The following C1QTNF7 variants were observed in gnomAD, a reference collection of about 807,000 sequenced individuals.
C1QTNF7 encodes the protein complement C1q tumor necrosis factor-related protein 7.
Under a neutral mutation model 19.6 loss-of-function variants are expected in C1QTNF7, and 15 were observed. The observed-to-expected ratio is 0.76, with a 90% confidence interval of 0.51 to 1.18. The LOEUF (loss-of-function observed/expected upper bound fraction) is 1.18, where lower values mean the gene tolerates loss of function less well. C1QTNF7 is among the 50% of genes most tolerant of loss of function. The probability of loss-of-function intolerance (pLI) is 0.00; values close to 1 mark genes in which losing one functional copy is unlikely to be tolerated. For missense variants in C1QTNF7, 324 were observed against 359.7 expected (o/e 0.90, Z 0.80); for synonymous variants, 142 against 137.5 (o/e 1.03, Z -0.23).
intron 1 of C1QTNF7, among the ~76,000 whole-genome samples, chr4:15,393,183 A>G (rs571495951): frequency 5.6e-4 from 86 of 152,302 alleles, no homozygotes; most frequent in East Asian, 9.7e-4. Flanking sequence ...CATGTAAGAC[A>G]TGCCTTTTGC....
At chr4:15,405,928 T>A (rs888429003) in intron 1 of C1QTNF7, among the ~76,000 whole-genome samples, 4 of 152,142 alleles carry the variant, frequency 2.6e-5, no homozygotes, top group Non-Finnish European at 5.9e-5. Context: ...CAGCTGTTAG[T>A]CTCTGTAGGA....
chr4:15,408,135 T>C (rs565936489), intron 1 of C1QTNF7, among the ~76,000 whole-genome samples: 16 of 151,792 alleles, frequency 1.1e-4, no homozygotes, highest in African/African-American at 3.9e-4. Context: ...TAGCCAAGCA[T>C]GGTGGCGCAC....
At chr4:15,339,869 T>C, upstream of C1QTNF7, 1 of 453,398 alleles carries the variant, frequency 2.2e-6, no homozygotes, top group Non-Finnish European at 4.0e-6. Flanking sequence ...TATATTAAGC[T>C]CTTTGAAATG....
rs1231633517 is a variant in C1QTNF7 at position 15,342,443 on chromosome 4, T to C, written c.13+2236T>C. On this transcript the variant is annotated intron_variant, in intron 1 of 2. Transcript: ENST00000295297. ...AGTGTCCACTCTGTGCCAGATACTT[T>C]ATCAACGCTCTTTGAACGTGTCCTT... 2.6e-5 allele frequency among the ~76,000 whole-genome samples: 4 copies of C among 152,238 alleles called. No homozygotes were observed. The East Asian group carries it at 7.7e-4, about 29-fold the overall frequency.
At position 15,445,483 on chromosome 4, in the gene C1QTNF7, C is replaced by G. The variant is rs1412567341; in HGVS notation, c.*2684C>G. ...TTAAATGTTTCTTTTATTACAAAGCCTATTTTGAGTAGCTTTTAAAACTGA... is the reference window on the plus strand; with the variant it reads ...TTAAATGTTTCTTTTATTACAAAGCGTATTTTGAGTAGCTTTTAAAACTGA... On this transcript the variant is annotated 3_prime_UTR_variant, in exon 3 of 3. Transcript: ENST00000444304. 1 of 152,146 alleles carries G rather than the reference C, an allele frequency of 6.6e-6. No individual in the cohort carries two copies. Among genetic ancestry groups the G allele is most frequent in the Non-Finnish European group, 1.5e-5 (1 of 68,028 alleles). 9.4% of individuals were successfully genotyped at this position (152,146 alleles called of 1,614,324 possible).
At chr4:15,427,367 T>C (rs1157020494), upstream of C1QTNF7, among the ~76,000 whole-genome samples, 2 of 152,208 alleles carry the variant, frequency 1.3e-5, no homozygotes, top group South Asian at 2.1e-4. Context: ...GATTGCACCA[T>C]AGACGACTAG....
chr4:15,417,801 C>A (rs1719656045), intron 1 of C1QTNF7, among the ~76,000 whole-genome samples: 1 of 152,176 alleles, frequency 6.6e-6, no homozygotes, highest in South Asian at 2.1e-4. Flanking sequence ...ATGGTGCTGG[C>A]ATCTGCTTCT....
chr4:15,421,614 C>T lies in C1QTNF7; in HGVS notation c.14-14122C>T, dbSNP rs565299688. ...TACTATCACTCTCCTCATCCTAAACCGAGAGCTTGGTTTGAAGGTCAGACA... is the reference window on the plus strand; with the variant it reads ...TACTATCACTCTCCTCATCCTAAACTGAGAGCTTGGTTTGAAGGTCAGACA... On this transcript the variant is annotated intron_variant, in intron 1 of 2. Coordinates refer to the C1QTNF7 transcript ENST00000295297. Among the ~76,000 whole-genome samples the T allele has an allele frequency of 5.3e-5, 8 of 152,248 alleles. No homozygotes were observed. In the South Asian group the frequency reaches 1.2e-3, roughly 24 times the overall value.
chr4:15,390,230 G>T (rs1043562746), intron 1 of C1QTNF7, among the ~76,000 whole-genome samples: 2 of 152,204 alleles, frequency 1.3e-5, no homozygotes, highest in Admixed American at 1.3e-4. Context: ...ACTAAGGAAG[G>T]AGCTGATGCT....
chr4:15,348,155 C>T (rs1156946504), intron 1 of C1QTNF7, among the ~76,000 whole-genome samples: 4 of 152,046 alleles, frequency 2.6e-5, no homozygotes, highest in South Asian at 2.1e-4. Context: ...ATTTCCTCTC[C>T]CTGGACAAAT....
intron 1 of C1QTNF7, among the ~76,000 whole-genome samples, chr4:15,353,875 T>G (rs1441945390): frequency 6.6e-6 from 1 of 152,134 alleles, no homozygotes; most frequent in African/African-American, 2.4e-5. Flanking sequence ...AATGAACTTA[T>G]GAATCTTAAA....
intron 1 of C1QTNF7, among the ~76,000 whole-genome samples, chr4:15,373,674 T>C (rs1458956567): frequency 1.3e-5 from 2 of 152,216 alleles, no homozygotes; most frequent in Non-Finnish European, 2.9e-5. Flanking sequence ...GATCTAGTGT[T>C]CTTTCTGAGG....
intron 1 of C1QTNF7, among the ~76,000 whole-genome samples, chr4:15,391,761 A>T (rs1718567560): frequency 1.3e-5 from 2 of 152,236 alleles, no homozygotes; most frequent in African/African-American, 4.8e-5. Flanking sequence ...CATACAGATA[A>T]GGTATGATGA....
chr4:15,370,826 C>T (rs1455392661), intron 1 of C1QTNF7, among the ~76,000 whole-genome samples: 18 of 152,158 alleles, frequency 1.2e-4, no homozygotes, highest in Admixed American at 1.2e-3. Flanking sequence ...TGTACTCTCT[C>T]ATTGGCCCTC....
chr4:15,340,922 G>C (rs1716514926), intron 1 of C1QTNF7, among the ~76,000 whole-genome samples: 1 of 152,166 alleles, frequency 6.6e-6, no homozygotes, highest in African/African-American at 2.4e-5. Flanking sequence ...ATATTTTCTT[G>C]TTTTTCTGTG....
intron 1 of C1QTNF7, among the ~76,000 whole-genome samples, chr4:15,417,771 C>T (rs1577270213): frequency 6.6e-6 from 1 of 152,162 alleles, no homozygotes. Context: ...GCTCACAGTT[C>T]TGCAAGCTGT....
intron 2 of C1QTNF7, 145 bp downstream of exon 2, chr4:15,436,126 G>A (rs1214170197): frequency 8.7e-7 from 1 of 1,151,678 alleles, no homozygotes; most frequent in African/African-American, 1.6e-5. Flanking sequence ...GCCCTTACTA[G>A]GCTTCAGATG....
intron 1 of C1QTNF7, among the ~76,000 whole-genome samples, chr4:15,363,299 T>A (rs572646057): frequency 2.4e-4 from 37 of 152,200 alleles, no homozygotes; most frequent in African/African-American, 7.9e-4. Context: ...TTCTTTTTTT[T>A]AAAGACATGT....
chr4:15,423,658 C>T (rs1381987510), upstream of C1QTNF7, among the ~76,000 whole-genome samples: 1 of 152,194 alleles, frequency 6.6e-6, no homozygotes, highest in Non-Finnish European at 1.5e-5. Context: ...AACAGAGCCC[C>T]GCCTGGCCCA....
Sources: allele counts gnomAD v4.1 joint callset (sites outside exome capture counted in the v4.1 genomes callset), GRCh38; gene constraint gnomAD v4.1.1; transcripts MANE v1.5; gene names NCBI Gene and HGNC (gene_info 2026-07-23, HGNC 2026-07-21).